Variants in PTPRN2 observed in about 807,000 individuals in gnomAD.
The protein encoded by PTPRN2 is protein tyrosine phosphatase receptor type N2, also known as receptor-type tyrosine-protein phosphatase N2.
PTPRN2 carries 74 observed loss-of-function variants against 118.8 expected under a neutral mutation model. That is an observed-to-expected ratio of 0.62 (90% CI 0.52 to 0.76). The LOEUF is 0.76. Among genes scored for constraint, PTPRN2 ranks in the 30% least tolerant of loss-of-function variants. The probability of loss-of-function intolerance (pLI) is 0.00; values close to 1 mark genes in which losing one functional copy is unlikely to be tolerated. For synonymous variants in PTPRN2, 641 were observed against 608.0 expected, an observed-to-expected ratio of 1.05 and a Z score of -0.80; for missense variants, 1,481 against 1,394.4, an observed-to-expected ratio of 1.06 and a Z score of -0.99.
chr7:158,523,180 G>A (rs1204219017), intron 1 of PTPRN2, among the ~76,000 whole-genome samples: 1 of 152,216 alleles, frequency 6.6e-6, no homozygotes, highest in Non-Finnish European at 1.5e-5. Context: ...GGAGGGGCCA[G>A]ACGGGTTGCA....
intron 2 of PTPRN2, among the ~76,000 whole-genome samples, chr7:158,459,192 C>T (rs560012617): frequency 2.0e-5 from 3 of 150,350 alleles, no homozygotes; most frequent in African/African-American, 7.3e-5. Flanking sequence ...CAAGTGCACA[C>T]AGTTGCACAA....
chr7:158,267,678 G>T (rs1797975569), intron 3 of PTPRN2, among the ~76,000 whole-genome samples: 1 of 152,146 alleles, frequency 6.6e-6, no homozygotes, highest in Non-Finnish European at 1.5e-5. Context: ...AGCTTCTGCA[G>T]GCCTTCTCTC....
intron 12 of PTPRN2, among the ~76,000 whole-genome samples, chr7:157,822,536 T>C (rs887299606): frequency 1.3e-5 from 2 of 151,648 alleles, no homozygotes; most frequent in Non-Finnish European, 2.9e-5. Context: ...ATAATACACT[T>C]ATCCATCCAT....
At chr7:158,541,321 A>T in intron 1 of PTPRN2, 2 of 686,486 alleles carry the variant, frequency 2.9e-6, no homozygotes, top group Non-Finnish European at 4.3e-6. Context: ...GGTGGCATTT[A>T]GTGCACTGAG....
chr7:158,133,220 G>C (rs912442489), intron 9 of PTPRN2, among the ~76,000 whole-genome samples: 2 of 152,236 alleles, frequency 1.3e-5, no homozygotes, highest in African/African-American at 4.8e-5. Flanking sequence ...CTAACAGGCA[G>C]GAGGAGTCCG....
Position 158,119,633 on chromosome 7 carries a change from G to GAGAT in PTPRN2, c.1557-8719_1557-8718insATCT, listed in dbSNP as rs148140006. On this transcript the variant is annotated intron_variant, in intron 9 of 22. Transcript: ENST00000389418. Reference sequence around the variant, plus strand: ...AAAGAGGGAGAGAGAGAGAGAGAGAGACACCATATTTACACAACTTCTATT... The same window carrying GAGAT: ...AAAGAGGGAGAGAGAGAGAGAGAGAGAGATACACCATATTTACACAACTTCTATT... Among the ~76,000 whole-genome samples, 681 of 151,830 alleles carry GAGAT rather than the reference G, an allele frequency of 4.5e-3. 8 individuals carry two copies. Among genetic ancestry groups the GAGAT allele is most frequent in the African/African-American group, 0.016 (647 of 41,372 alleles).
intron 13 of PTPRN2, among the ~76,000 whole-genome samples, chr7:157,665,899 C>T (rs545267224): frequency 4.4e-4 from 67 of 152,260 alleles, no homozygotes; most frequent in South Asian, 1.7e-3. Flanking sequence ...AAATCAAACA[C>T]CACATGTTCT....
intron 3 of PTPRN2, among the ~76,000 whole-genome samples, chr7:158,247,005 G>C (rs7791230): frequency 6.6e-6 from 1 of 152,148 alleles, no homozygotes; most frequent in African/African-American, 2.4e-5. Flanking sequence ...CAGAGCAAGC[G>C]TGCAGCCATG....
chr7:157,814,499 C>G (rs115146190), intron 12 of PTPRN2, among the ~76,000 whole-genome samples: 16,730 of 122,666 alleles, frequency 0.14, 1,868 homozygotes, highest in African/African-American at 0.33. Context: ...AGGAGAGACA[C>G]GGGGCAGGAC....
At position 157,927,916 on chromosome 7, in the gene PTPRN2, G is replaced by C. The variant is rs1799120385; in HGVS notation, c.1724-29179C>G. ...GCTTGTGGGCAATTCATGAAGAAGAGAGGTGCACATCACTACCTCCATTTT... is the reference window on the plus strand; with the variant it reads ...GCTTGTGGGCAATTCATGAAGAAGACAGGTGCACATCACTACCTCCATTTT... On this transcript the variant is annotated intron_variant, in intron 11 of 22. Coordinates refer to ENST00000389418, the MANE Select transcript of PTPRN2 (RefSeq NM_002847.5). 2.0e-5 allele frequency among the ~76,000 whole-genome samples: 3 copies of C among 152,138 alleles called. No homozygotes were observed. In the South Asian group the frequency reaches 6.2e-4, roughly 32 times the overall value.
chr7:157,611,735 C>T lies in PTPRN2; in HGVS notation c.2345-7660G>A, dbSNP rs892383799. 6.1e-5 allele frequency among the ~76,000 whole-genome samples: 9 copies of T among 148,068 alleles called. No homozygotes were observed. Among genetic ancestry groups the T allele is most frequent in the East Asian group, 2.0e-4 (1 of 4,930 alleles). ...GACAGCCGCGGTCATGCTGGGGACACGCGGAGGGAGCGCGCCCGTGTGAAG... is the reference window on the plus strand; with the variant it reads ...GACAGCCGCGGTCATGCTGGGGACATGCGGAGGGAGCGCGCCCGTGTGAAG... On this transcript the variant is annotated intron_variant, in intron 15 of 22. Transcript: ENST00000389418. The surrounding 1 kb of genome is among the most constrained non-coding windows in gnomAD (Gnocchi z 5.9).
intron 21 of PTPRN2, among the ~76,000 whole-genome samples, chr7:157,558,349 G>A (rs892122984): frequency 3.3e-5 from 5 of 152,188 alleles, no homozygotes; most frequent in African/African-American, 9.7e-5. Context: ...TGGAGCATCC[G>A]TGTGATGGGG....
intron 17 of PTPRN2, among the ~76,000 whole-genome samples, chr7:157,580,846 G>C (rs1459621337): frequency 0.075 from 428 of 5,728 alleles, no homozygotes; most frequent in Admixed American, 0.12. Flanking sequence ...CTGCACACCC[G>C]AGCCCCTGCA....
intron 12 of PTPRN2, among the ~76,000 whole-genome samples, chr7:157,718,318 A>G (rs1037296005): frequency 6.6e-6 from 1 of 152,208 alleles, no homozygotes; most frequent in African/African-American, 2.4e-5. Flanking sequence ...CTTTCATGTG[A>G]AGGAAATAAA....
At chr7:157,548,299 T>C (rs1243021182) in intron 22 of PTPRN2, among the ~76,000 whole-genome samples, 1 of 152,010 alleles carries the variant, frequency 6.6e-6, no homozygotes, top group Non-Finnish European at 1.5e-5. Flanking sequence ...CAAAGAACTT[T>C]CACAAAATCA....
chr7:158,147,632 C>T (rs1585621450), intron 6 of PTPRN2, among the ~76,000 whole-genome samples: 2 of 119,298 alleles, frequency 1.7e-5, no homozygotes, highest in South Asian at 2.8e-4. Flanking sequence ...GTGTCTTTCC[C>T]CCTCAATGAC....
chr7:157,884,810 C>T lies in PTPRN2; in HGVS notation c.1788+13863G>A, dbSNP rs149210631. On this transcript the variant is annotated intron_variant, in intron 12 of 22. Transcript: ENST00000389418. Reference sequence around the variant, plus strand: ...ATGACCTCCCACCAGTTCCCTCTCACGACATGTGGCAATTGTGGGAGTGAC... The same window carrying T: ...ATGACCTCCCACCAGTTCCCTCTCATGACATGTGGCAATTGTGGGAGTGAC... Among the ~76,000 whole-genome samples the T allele has an allele frequency of 2.8e-3, 432 of 152,264 alleles. 4 individuals are homozygous for T. Among genetic ancestry groups the T allele is most frequent in the African/African-American group, 8.7e-3 (361 of 41,566 alleles).
At position 158,277,447 on chromosome 7, in the gene PTPRN2, A is replaced by G. The variant is rs1036888481; in HGVS notation, c.277+39372T>C. Among the ~76,000 whole-genome samples, 62 of 152,160 alleles carry G rather than the reference A, an allele frequency of 4.1e-4. 1 individual carries two copies. Among genetic ancestry groups the G allele is most frequent in the Non-Finnish European group, 1.5e-5 (1 of 68,020 alleles). On this transcript the variant is annotated intron_variant, in intron 3 of 22. Coordinates refer to ENST00000389418, the MANE Select transcript of PTPRN2 (RefSeq NM_002847.5). ...ACGGACGTTTGTACCTGAAGCCCTCAAGTCTGCCCTATAAAGGAGATGAAC... is the reference window on the plus strand; with the variant it reads ...ACGGACGTTTGTACCTGAAGCCCTCGAGTCTGCCCTATAAAGGAGATGAAC...
Position 157,676,213 on chromosome 7 carries a change from T to C in PTPRN2, c.2001+6512A>G, listed in dbSNP as rs1233800534. ...GGAGGACCTCTTCCCTCTAGCCCAG[T>C]TCCTCCTGGCAGCCCTGCAAATGCC... On this transcript the variant is annotated intron_variant, in intron 13 of 22. Coordinates refer to ENST00000389418, the MANE Select transcript of PTPRN2 (RefSeq NM_002847.5). The surrounding 1 kb of genome is among the most constrained non-coding windows in gnomAD (Gnocchi z 5.6). 6.6e-6 allele frequency among the ~76,000 whole-genome samples: 1 copy of C among 152,048 alleles called. No homozygotes were observed. The highest frequency in any genetic ancestry group is 2.4e-5 in the African/African-American group (1 of 41,402).
Sources: allele counts gnomAD v4.1 joint callset (sites outside exome capture counted in the v4.1 genomes callset), GRCh38; gene constraint gnomAD v4.1.1; non-coding constraint Gnocchi (gnomAD v3.1); transcripts MANE v1.5; gene names NCBI Gene and HGNC (gene_info 2026-07-23, HGNC 2026-07-21).